Variants in FAM161A observed in about 807,000 individuals in gnomAD.
The protein encoded by FAM161A is FAM161 centrosomal protein A.
Under a neutral mutation model 70.9 loss-of-function variants are expected in FAM161A, and 57 were observed. The observed-to-expected ratio is 0.80, with a 90% CI of 0.65 to 1.00. The LOEUF (loss-of-function observed/expected upper bound fraction) is 1.00, where lower values mean the gene tolerates loss of function less well. Ranked by LOEUF, FAM161A falls within the 50% of genes least tolerant of loss-of-function variation. The pLI, the probability that FAM161A is intolerant of heterozygous loss-of-function variation, is 0.00. For missense variants in FAM161A, 880 were observed against 836.0 expected (o/e 1.05, Z -0.65); for synonymous variants, 299 against 295.7 (o/e 1.01, Z -0.12).
chr2:61,801,491 C>A, the FAM161A span, among the ~76,000 whole-genome samples: 524 of 136,904 alleles, frequency 3.8e-3, 3 homozygotes, highest in Middle Eastern at 0.023. Flanking sequence ...GGAGAGGCTC[C>A]GTCTCAAAAA....
At position 61,853,927 on chromosome 2, in the gene FAM161A, G is replaced by C. The variant is rs375848041; in HGVS notation, c.115C>G (p.Leu39Val). Residue 39 changes from leucine (L) to valine (V), a missense_variant, in exon 1 of 7, where the codon CTG (leucine) becomes GTG (valine). By Grantham distance (32) the Leu-to-Val change is conservative. Coordinates refer to ENST00000404929, the MANE Select transcript of FAM161A (RefSeq NM_001201543.2). ...QYEREDPLKA[L>V]AAAEAILEDE... is the part of the protein sequence containing the mutation. ...TCCAAGATCGCCTCCGCTGCCGCCA[G>C]GGCCTTTAAGGGGTCTTCGCGTTCG... 6.2e-7 allele frequency: 1 copy of C among 1,614,004 alleles called. No homozygotes were observed. Among genetic ancestry groups the C allele is most frequent in the East Asian group, 2.2e-5 (1 of 44,884 alleles).
the FAM161A span, among the ~76,000 whole-genome samples, chr2:61,811,625 G>A: frequency 6.6e-6 from 1 of 151,852 alleles, no homozygotes; most frequent in Non-Finnish European, 1.5e-5. Flanking sequence ...TGCCTACCTC[G>A]GCCTCCCAAA....
In FAM161A at chr2:61,840,276, T is replaced by G. The variant is rs764426425; in HGVS notation, c.728A>C (p.Gln243Pro). Residue 243 changes from glutamine (Q) to proline (P), a missense_variant, in exon 3 of 7, where the codon CAA becomes CCA. By Grantham distance (76) the Gln-to-Pro change is moderately conservative (BLOSUM62 -1). Transcript: ENST00000404929. Reference protein sequence around the residue: ...VPTITVPEPFQMMIREQKKKE... With the variant: ...VPTITVPEPFPMMIREQKKKE... ...TTTCTTCTGTTCTCTTATCATCATT[T>G]GAAAAGGCTCCGGTACTGTAATTGT... 8.1e-6 allele frequency: 13 copies of G among 1,614,174 alleles called. No individual in the cohort carries two copies. The East Asian group carries it at 1.1e-4, about 14-fold the overall frequency.
the FAM161A span, chr2:61,803,430 T>C: frequency 1.5e-6 from 1 of 674,642 alleles, no homozygotes; most frequent in Non-Finnish European, 2.8e-6. Flanking sequence ...AAGTCAGGGG[T>C]ACTGCAAAGG....
At chr2:61,837,123 C>T (rs912971431) in intron 4 of FAM161A, among the ~76,000 whole-genome samples, 2 of 152,186 alleles carry the variant, frequency 1.3e-5, no homozygotes, top group Non-Finnish European at 2.9e-5. Context: ...CTGCCTTGTA[C>T]TCCTGAGGTG....
In FAM161A at chr2:61,840,177, G is replaced by C. The variant is rs1672959135; in HGVS notation, c.827C>G (p.Pro276Arg). Reference protein sequence around the residue: ...HKALKKQEEDPEYKKKFRANP... With the variant: ...HKALKKQEEDREYKKKFRANP... ...GGCTCGGAATTTCTTCTTATACTCT[G>C]GATCCTCTTCTTGTTTTTTGAGCGC... Residue 276 changes from proline (P) to arginine (R), a missense_variant, in exon 3 of 7, where the codon CCA becomes CGA. Coordinates refer to ENST00000404929, the MANE Select transcript of FAM161A (RefSeq NM_001201543.2). 9.3e-6 allele frequency: 15 copies of C among 1,613,840 alleles called. No homozygotes were observed. Among genetic ancestry groups the C allele is most frequent in the Non-Finnish European group, 1.2e-5 (14 of 1,180,010 alleles).
In FAM161A at chr2:61,840,006, T is replaced by C. The variant is rs1672947791; in HGVS notation, c.998A>G (p.Gln333Arg). 1 of 1,614,142 alleles carries C rather than the reference T, an allele frequency of 6.2e-7. No homozygotes were observed. Among genetic ancestry groups the C allele is most frequent in the Non-Finnish European group, 8.5e-7 (1 of 1,180,054 alleles). The change falls in exon 3 of 7, where the codon CAG becomes CGG. Residue 333 changes from glutamine to arginine, a missense_variant. Transcript: ENST00000404929. ...CTGCTTTTCCCGGGCTGCTCGCTTC[T>C]GTTCCTCCCTTGCTATAAATTTAAA... ...KPFKFIAREE[Q>R]KRAAREKQLR...
downstream of FAM161A, among the ~76,000 whole-genome samples, chr2:61,824,092 T>C (rs958637635): frequency 1.3e-5 from 2 of 151,608 alleles, no homozygotes; most frequent in African/African-American, 4.8e-5. Flanking sequence ...AGTGGTGCCA[T>C]CTCGGCTCAC....
At chr2:61,810,642 T>G in the FAM161A span, among the ~76,000 whole-genome samples, 1 of 151,694 alleles carries the variant, frequency 6.6e-6, no homozygotes, top group African/African-American at 2.4e-5. Context: ...GTATTTTTAG[T>G]AAAGAGGGGG....
the FAM161A span, among the ~76,000 whole-genome samples, chr2:61,818,886 A>G: frequency 8.5e-5 from 13 of 152,232 alleles, no homozygotes; most frequent in Non-Finnish European, 2.9e-5. Context: ...CAAGGGATAC[A>G]GTGCCTTTAC....
At chr2:61,833,060 G>T (rs139616153) in intron 5 of FAM161A, among the ~76,000 whole-genome samples, 1 of 152,090 alleles carries the variant, frequency 6.6e-6, no homozygotes, top group Non-Finnish European at 1.5e-5. Flanking sequence ...ACATTGGTGG[G>T]GAATGAGGGA....
In FAM161A at chr2:61,831,317, C is replaced by A. The variant is rs542698171; in HGVS notation, c.1852-4059G>T. On this transcript the variant is annotated intron_variant, in intron 5 of 6. Transcript: ENST00000404929. ...ACCTGTTGGAACAAGCCTCGCATGT[C>A]ACTAACACAAATATTAGTATTCCCA... 4.6e-5 allele frequency among the ~76,000 whole-genome samples: 7 copies of A among 151,728 alleles called. No homozygotes were observed. In the East Asian group the frequency reaches 1.2e-3, roughly 25 times the overall value.
At chr2:61,818,907 A>T in the FAM161A span, among the ~76,000 whole-genome samples, 1 of 152,174 alleles carries the variant, frequency 6.6e-6, no homozygotes, top group Admixed American at 6.5e-5. Context: ...AATGGAGAGA[A>T]CTGATGGATA....
the FAM161A span, among the ~76,000 whole-genome samples, chr2:61,803,832 T>TA: frequency 5.3e-4 from 81 of 151,724 alleles, no homozygotes; most frequent in Admixed American, 9.9e-4. Flanking sequence ...AATAAATAAA[T>TA]AAAAAGAGGC....
chr2:61,832,499 A>T (rs12989213), intron 5 of FAM161A, among the ~76,000 whole-genome samples: 1 of 152,202 alleles, frequency 6.6e-6, no homozygotes, highest in Non-Finnish European at 1.5e-5. Flanking sequence ...GTTAATATCT[A>T]ACTACTCCCC....
chr2:61,818,663 A>G, the FAM161A span, among the ~76,000 whole-genome samples: 8 of 152,226 alleles, frequency 5.3e-5, no homozygotes, highest in African/African-American at 1.9e-4. Context: ...CCTCACATAA[A>G]AGAGACTGGG....
chr2:61,845,127 A>C (rs1673159202), intron 1 of FAM161A, among the ~76,000 whole-genome samples: 1 of 152,182 alleles, frequency 6.6e-6, no homozygotes, highest in Non-Finnish European at 1.5e-5. Context: ...GTTATGGACG[A>C]GGCTGCCTGG....
intron 1 of FAM161A, among the ~76,000 whole-genome samples, chr2:61,842,809 A>C (rs1673068210): frequency 6.6e-6 from 1 of 152,196 alleles, no homozygotes; most frequent in Non-Finnish European, 1.5e-5. Context: ...TGTGGCTCCA[A>C]GGACTGCCAG....
intron 5 of FAM161A, among the ~76,000 whole-genome samples, chr2:61,831,093 C>CA (rs1672557520): frequency 7.7e-6 from 1 of 129,220 alleles, no homozygotes; most frequent in Admixed American, 9.3e-5. Context: ...GCCTGGGTGA[C>CA]AGAGTGAGAC....
Sources: allele counts gnomAD v4.1 joint callset (sites outside exome capture counted in the v4.1 genomes callset), GRCh38; gene constraint gnomAD v4.1.1; transcripts MANE v1.5; gene names NCBI Gene and HGNC (gene_info 2026-07-23, HGNC 2026-07-21).